The following PLXNA2 variants were observed in gnomAD, a reference collection of about 807,000 sequenced individuals.
PLXNA2 encodes the protein plexin A2.
In PLXNA2, 91 loss-of-function variants were observed where a neutral mutation model predicts 193.5. That is an observed-to-expected ratio of 0.47 (90% confidence interval 0.40 to 0.56). PLXNA2 has a LOEUF of 0.56. Ranked by LOEUF, PLXNA2 falls within the 20% of genes least tolerant of loss-of-function variation. The pLI is 0.00. For missense variants in PLXNA2, 1,995 were observed against 2,503.2 expected (o/e 0.80, Z 4.33); for synonymous variants, 997 against 1,027.3 (o/e 0.97, Z 0.56).
intron 4 of PLXNA2, among the ~76,000 whole-genome samples, chr1:208,131,852 A>C (rs1668167016): frequency 6.6e-6 from 1 of 151,966 alleles, no homozygotes; most frequent in African/African-American, 2.4e-5. Flanking sequence ...GTGCTAGGGG[A>C]GGGCGAGCAG....
At chr1:208,048,571 G>C (rs1665153537) in intron 17 of PLXNA2, among the ~76,000 whole-genome samples, 1 of 152,202 alleles carries the variant, frequency 6.6e-6, no homozygotes, top group Admixed American at 6.5e-5. Flanking sequence ...TGGTGCATGG[G>C]GCTGGAGGAA....
intron 13 of PLXNA2, among the ~76,000 whole-genome samples, chr1:208,057,569 C>A (rs1665472004): frequency 6.6e-6 from 1 of 152,172 alleles, no homozygotes; most frequent in Admixed American, 6.5e-5. Flanking sequence ...CCACCACCTC[C>A]TTCAAGCCTT....
At chr1:208,160,085 C>T (rs537547397) in intron 3 of PLXNA2, among the ~76,000 whole-genome samples, 2 of 152,328 alleles carry the variant, frequency 1.3e-5, no homozygotes, top group Non-Finnish European at 2.9e-5. Flanking sequence ...CAGCTGCACT[C>T]GGAAGGCCTG....
At chr1:208,063,550 G>A (rs563811328) in intron 12 of PLXNA2, among the ~76,000 whole-genome samples, 68 of 152,332 alleles carry the variant, frequency 4.5e-4, no homozygotes, top group African/African-American at 1.4e-3. Context: ...AATCCAAGCC[G>A]GGAGAATGAG....
At chr1:208,219,858 G>A (rs1249846116) in intron 1 of PLXNA2, among the ~76,000 whole-genome samples, 3 of 152,144 alleles carry the variant, frequency 2.0e-5, no homozygotes, top group Admixed American at 6.5e-5. Context: ...CAGCCCTTCC[G>A]GCCCCAGGCG....
intron 4 of PLXNA2, among the ~76,000 whole-genome samples, chr1:208,123,346 C>T (rs1375769754): frequency 1.3e-5 from 2 of 152,192 alleles, no homozygotes; most frequent in African/African-American, 2.4e-5. Context: ...CCACTGTTCA[C>T]CCCAAGAAAT....
intron 3 of PLXNA2, among the ~76,000 whole-genome samples, chr1:208,193,765 C>T (rs886763630): frequency 2.0e-5 from 3 of 152,072 alleles, no homozygotes; most frequent in East Asian, 1.9e-4. Context: ...CAGTCGCTCA[C>T]ACCTGTAATC....
chr1:208,022,924 T>G lies in PLXNA2; in HGVS notation c.*4319A>C, dbSNP rs902909841. On this transcript the variant is annotated 3_prime_UTR_variant, in exon 32 of 32. Coordinates refer to ENST00000367033, the MANE Select transcript of PLXNA2 (RefSeq NM_025179.4). ...GCCAAGCAGTGGCTGTGATCGTGTC[T>G]CAGGACTTTCCCTAGCACTAGTTAG... is the stretch of plus-strand genomic sequence containing the variant. The G allele has an allele frequency of 3.9e-5, 6 of 152,126 alleles. No homozygotes were observed. Among genetic ancestry groups the G allele is most frequent in the Admixed American group, 1.3e-4 (2 of 15,274 alleles). 9.4% of individuals were successfully genotyped at this position (152,126 alleles called of 1,614,324 possible).
intron 3 of PLXNA2, among the ~76,000 whole-genome samples, chr1:208,169,660 T>C (rs931089408): frequency 6.6e-6 from 1 of 152,086 alleles, no homozygotes; most frequent in Non-Finnish European, 1.5e-5. Context: ...GAAGAAAGAT[T>C]GGGGCAGAAG....
intron 5 of PLXNA2, 131 bp from the exon 6 acceptor site, chr1:208,099,100 G>C (rs538382690): frequency 9.9e-6 from 11 of 1,114,524 alleles, no homozygotes; most frequent in Non-Finnish European, 1.4e-5. Context: ...GACTTTTACT[G>C]TACTCCGGAG....
At chr1:208,054,689 T>C (rs1182350512) in intron 13 of PLXNA2, 151 bp from the exon 14 acceptor site, 1 of 645,454 alleles carries the variant, frequency 1.5e-6, no homozygotes, top group Non-Finnish European at 2.8e-6. Context: ...CTGTGTGACC[T>C]TGGGTACAGT....
intron 3 of PLXNA2, among the ~76,000 whole-genome samples, chr1:208,158,013 C>T (rs958479561): frequency 2.0e-5 from 3 of 152,182 alleles, no homozygotes; most frequent in Non-Finnish European, 4.4e-5. Flanking sequence ...TCACTGGCAC[C>T]GTGTGCTGTG....
At chr1:208,127,712 G>T (rs1046358176) in intron 4 of PLXNA2, among the ~76,000 whole-genome samples, 17 of 152,342 alleles carry the variant, frequency 1.1e-4, no homozygotes, top group African/African-American at 4.1e-4. Context: ...CAAAAAGTTG[G>T]ATGAGGGGCC....
At chr1:208,202,496 C>G (rs1245109615) in intron 3 of PLXNA2, among the ~76,000 whole-genome samples, 2 of 152,186 alleles carry the variant, frequency 1.3e-5, no homozygotes, top group Non-Finnish European at 2.9e-5. Flanking sequence ...GACTGGATCT[C>G]TCCAAAGCCC....
chr1:208,207,248 CA>C, intron 3 of PLXNA2, among the ~76,000 whole-genome samples: 1 of 152,218 alleles, frequency 6.6e-6, no homozygotes, highest in East Asian at 1.9e-4. Context: ...TCAGGTGATC[CA>C]CCTGCCTCGG....
At chr1:208,065,408 T>C (rs146514328) in intron 12 of PLXNA2, among the ~76,000 whole-genome samples, 1 of 152,300 alleles carries the variant, frequency 6.6e-6, no homozygotes, top group South Asian at 2.1e-4. Context: ...ATATCCTCAT[T>C]CAAAAACAGA....
intron 3 of PLXNA2, among the ~76,000 whole-genome samples, chr1:208,202,068 T>C (rs1357467454): frequency 6.6e-6 from 1 of 151,528 alleles, no homozygotes; most frequent in Non-Finnish European, 1.5e-5. Context: ...AACCTCTGCC[T>C]CCTAGGTTCA....
At chr1:208,061,349 TG>T (rs1665613549) in intron 12 of PLXNA2, among the ~76,000 whole-genome samples, 1 of 152,148 alleles carries the variant, frequency 6.6e-6, no homozygotes, top group Admixed American at 6.6e-5. Context: ...TACAGCCTGT[TG>T]GGGGTACAAT....
At chr1:208,203,728 GACATTTAGTAT>G (rs889756625) in intron 3 of PLXNA2, among the ~76,000 whole-genome samples, 3 of 151,866 alleles carry the variant, frequency 2.0e-5, no homozygotes, top group Admixed American at 2.0e-4. Context: ...CCTTGGGCAA[GACATTTAGTAT>G]AGCTACAGCT....
Sources: gnomAD v4.1 joint callset for allele counts (sites outside exome capture counted in the v4.1 genomes callset) on GRCh38, gnomAD v4.1.1 for gene constraint, MANE v1.5 for transcripts, NCBI Gene and HGNC (gene_info 2026-07-23, HGNC 2026-07-21) for gene names.